NKAIN2: variants seen among roughly 807,000 people sequenced by gnomAD.
The protein encoded by NKAIN2 is sodium/potassium-transporting ATPase subunit beta-1-interacting protein 2.
NKAIN2 carries 14 observed loss-of-function variants against 32.6 expected under a neutral mutation model. The observed-to-expected ratio is 0.43, with a 90% confidence interval of 0.28 to 0.67. NKAIN2 has a LOEUF of 0.67. Ranked by LOEUF, NKAIN2 falls within the 30% of genes least tolerant of loss-of-function variation. The probability of loss-of-function intolerance (pLI) is 0.17; values close to 1 mark genes in which losing one functional copy is unlikely to be tolerated. For missense variants in NKAIN2, 198 were observed against 258.3 expected (o/e 0.77, Z 1.60); for synonymous variants, 80 against 87.2 (o/e 0.92, Z 0.46).
intron 1 of NKAIN2, among the ~76,000 whole-genome samples, chr6:123,994,958 T>C (rs538025659): frequency 6.6e-6 from 1 of 152,278 alleles, no homozygotes; most frequent in South Asian, 2.1e-4. Context: ...CTGTCCACTT[T>C]TTGAGGTGAA....
At chr6:124,439,733 A>G (rs1033685491) in intron 3 of NKAIN2, among the ~76,000 whole-genome samples, 1 of 152,012 alleles carries the variant, frequency 6.6e-6, no homozygotes, top group Admixed American at 6.6e-5. Context: ...AGCCTTGTTT[A>G]TCACATGAAT....
intron 3 of NKAIN2, among the ~76,000 whole-genome samples, chr6:124,500,264 T>G (rs79776822): frequency 4.7e-4 from 71 of 152,298 alleles, no homozygotes; most frequent in African/African-American, 1.7e-3. Flanking sequence ...TAACTGTTAA[T>G]GTACTGACTT....
At chr6:124,649,732 T>C (rs1784300283) in intron 3 of NKAIN2, among the ~76,000 whole-genome samples, 1 of 152,184 alleles carries the variant, frequency 6.6e-6, no homozygotes, top group South Asian at 2.1e-4. Context: ...ACAGTCAGTA[T>C]AGCAAATTGA....
intron 1 of NKAIN2, among the ~76,000 whole-genome samples, chr6:123,893,422 G>A (rs892137505): frequency 6.6e-6 from 1 of 152,098 alleles, no homozygotes; most frequent in Non-Finnish European, 1.5e-5. Flanking sequence ...GCCCAGGCTG[G>A]TCTAGAACTT....
At chr6:124,500,170 A>G (rs933374279) in intron 3 of NKAIN2, among the ~76,000 whole-genome samples, 2 of 152,210 alleles carry the variant, frequency 1.3e-5, no homozygotes, top group Non-Finnish European at 1.5e-5. Context: ...AAATGTAAAC[A>G]GAACTTATTT....
At chr6:124,802,235 A>C (rs1460669982) in intron 5 of NKAIN2, among the ~76,000 whole-genome samples, 1 of 152,172 alleles carries the variant, frequency 6.6e-6, no homozygotes, top group Non-Finnish European at 1.5e-5. Context: ...TGTACCCAAA[A>C]CCCTAATTAA....
At chr6:123,815,666 T>G (rs193035592) in intron 1 of NKAIN2, among the ~76,000 whole-genome samples, 1 of 152,256 alleles carries the variant, frequency 6.6e-6, no homozygotes, top group Non-Finnish European at 1.5e-5. Context: ...CTTAATTTTT[T>G]TTGTCTGCCA....
chr6:123,978,977 G>T (rs2114659545), intron 1 of NKAIN2, among the ~76,000 whole-genome samples: 1 of 152,154 alleles, frequency 6.6e-6, no homozygotes, highest in South Asian at 2.1e-4. Context: ...TTTAAGAAAG[G>T]GTTTGAATGT....
chr6:124,543,442 A>G (rs1779979896), intron 3 of NKAIN2, among the ~76,000 whole-genome samples: 1 of 152,212 alleles, frequency 6.6e-6, no homozygotes, highest in South Asian at 2.1e-4. Flanking sequence ...TTTTTATTAG[A>G]TATAACTTCT....
intron 1 of NKAIN2, among the ~76,000 whole-genome samples, chr6:123,980,499 G>A (rs1372755011): frequency 6.6e-6 from 1 of 152,162 alleles, no homozygotes; most frequent in East Asian, 1.9e-4. Context: ...TTGCTGAAAC[G>A]TCGTCTTGAT....
At chr6:124,478,400 T>G (rs1777314744) in intron 3 of NKAIN2, among the ~76,000 whole-genome samples, 1 of 152,144 alleles carries the variant, frequency 6.6e-6, no homozygotes, top group Non-Finnish European at 1.5e-5. Context: ...CTTGGAGAAA[T>G]GGCTGATTCT....
At chr6:123,888,361 T>C (rs1773829059) in intron 1 of NKAIN2, among the ~76,000 whole-genome samples, 1 of 152,182 alleles carries the variant, frequency 6.6e-6, no homozygotes, top group South Asian at 2.1e-4. Flanking sequence ...GAATGCTTTT[T>C]ACTTGGGCCT....
chr6:124,058,505 A>G (rs1005089587), intron 1 of NKAIN2, among the ~76,000 whole-genome samples: 8 of 152,010 alleles, frequency 5.3e-5, no homozygotes, highest in African/African-American at 1.9e-4. Context: ...CTGTTTCTTC[A>G]TTGCAAAACA....
intron 1 of NKAIN2, among the ~76,000 whole-genome samples, chr6:123,881,652 A>T (rs1008214528): frequency 2.6e-5 from 4 of 152,126 alleles, no homozygotes; most frequent in South Asian, 2.1e-4. Context: ...AATGTTTTCT[A>T]TTTGTGGATT....
At chr6:124,099,311 G>T (rs1180272193) in intron 1 of NKAIN2, among the ~76,000 whole-genome samples, 1 of 152,016 alleles carries the variant, frequency 6.6e-6, no homozygotes, top group African/African-American at 2.4e-5. Context: ...AGAAGTATCA[G>T]GAATTTAAGT....
intron 3 of NKAIN2, among the ~76,000 whole-genome samples, chr6:124,595,991 C>T (rs895601812): frequency 6.6e-6 from 1 of 152,030 alleles, no homozygotes; most frequent in Non-Finnish European, 1.5e-5. Flanking sequence ...GCCACATTGC[C>T]GAAGAGCGAC....
At chr6:124,293,505 G>T (rs943849297) in intron 2 of NKAIN2, among the ~76,000 whole-genome samples, 3 of 152,024 alleles carry the variant, frequency 2.0e-5, no homozygotes, top group African/African-American at 7.2e-5. Flanking sequence ...AACTACAAAT[G>T]TTCTTAGAAC....
intron 1 of NKAIN2, among the ~76,000 whole-genome samples, chr6:124,196,801 A>G (rs970319056): frequency 1.1e-4 from 16 of 151,668 alleles, no homozygotes; most frequent in African/African-American, 3.9e-4. Context: ...GGTGATTTTA[A>G]TTTATTTTAT....
intron 4 of NKAIN2, among the ~76,000 whole-genome samples, chr6:124,735,085 T>A (rs1287673229): frequency 1.3e-5 from 2 of 151,972 alleles, no homozygotes; most frequent in Non-Finnish European, 1.5e-5. Flanking sequence ...GAGAAAAAAA[T>A]TTAAAAATGA....
Sources: allele counts gnomAD v4.1 joint callset (sites outside exome capture counted in the v4.1 genomes callset), GRCh38; gene constraint gnomAD v4.1.1; transcripts MANE v1.5; gene names NCBI Gene and HGNC (gene_info 2026-07-23, HGNC 2026-07-21).